Variants in CLASRP observed in about 807,000 individuals in gnomAD.
CLASRP encodes CLK4-associating serine/arginine rich protein.
A neutral mutation model predicts 99.9 loss-of-function variants in CLASRP; 52 were observed. That is an observed-to-expected ratio of 0.52 (90% CI 0.42 to 0.66). The LOEUF (loss-of-function observed/expected upper bound fraction) is 0.66, where lower values mean the gene tolerates loss of function less well. Among genes scored for constraint, CLASRP ranks in the 30% least tolerant of loss-of-function variants. The pLI, the probability that CLASRP is intolerant of heterozygous loss-of-function variation, is 0.00. For missense variants in CLASRP, 848 were observed against 999.2 expected (o/e 0.85, Z 2.04); for synonymous variants, 379 against 373.0 (o/e 1.02, Z -0.18).
intron 20 of CLASRP, 80 bp from the exon 21 acceptor site, chr19:45,070,723 G>C (rs574964804): frequency 1.5e-6 from 2 of 1,353,142 alleles, no homozygotes; most frequent in African/African-American, 1.4e-5. Flanking sequence ...CAAGTGCCCC[G>C]ATCACTGAAG....
chr19:45,059,215 T>G (rs1005367931), intron 7 of CLASRP, 53 bp from the exon 8 acceptor site: 56 of 1,484,194 alleles, frequency 3.8e-5, no homozygotes, highest in Admixed American at 2.7e-4. Flanking sequence ...CTGCCCCTTC[T>G]CCCCTGTCCT....
chr19:45,058,135 C>T (rs1055333134), intron 7 of CLASRP: 6 of 555,486 alleles, frequency 1.1e-5, no homozygotes, highest in Non-Finnish European at 1.9e-5. Flanking sequence ...CTTTTCCCCT[C>T]CTAGGTGTTG....
intron 7 of CLASRP, among the ~76,000 whole-genome samples, chr19:45,058,502 C>T (rs1972164478): frequency 6.6e-6 from 1 of 152,140 alleles, no homozygotes; most frequent in Non-Finnish European, 1.5e-5. Context: ...TCTCCTGCCT[C>T]AGCTTCCCAA....
In CLASRP at chr19:45,067,885, GT is replaced by G. The variant is rs934260467; in HGVS notation, c.1668-128del. Reference sequence around the variant, plus strand: ...TTCTGTGGGGTCTGAGAGGGACATGGTTGCACCCTGGGGCATCTGAGGCCCA... The same window carrying G: ...TTCTGTGGGGTCTGAGAGGGACATGGTGCACCCTGGGGCATCTGAGGCCCA... On this transcript the variant is annotated intron_variant, in intron 14 of 20. Transcript: ENST00000221455. This position sits in a 1 kb window ranked among gnomAD's most constrained non-coding sequence, Gnocchi z 4.9. 4 of 750,460 alleles carry G rather than the reference GT, an allele frequency of 5.3e-6. No homozygotes were observed. The allele number at this position is 750,460 out of a possible 1,614,324, so 46.5% of individuals were successfully genotyped here. A position where few individuals can be genotyped will look rare whatever the true frequency, so the allele number is the denominator to read the frequency against.
chr19:45,064,664 TG>T (rs761625564), intron 13 of CLASRP, 34 bp downstream of exon 13: 27 of 1,468,674 alleles, frequency 1.8e-5, no homozygotes, highest in South Asian at 3.8e-5. Flanking sequence ...TGGGAGGGGC[TG>T]GGGGGGCGCG....
At position 45,069,321 on chromosome 19, in the gene CLASRP, G is replaced by A; in HGVS notation, c.1874+73G>A. Reference sequence around the variant, plus strand: ...CTGGCCTTCCCACCATGGGCTGCTGGCTCAAGCCCTGCCCAGCTCCCTGTG... The same window carrying A: ...CTGGCCTTCCCACCATGGGCTGCTGACTCAAGCCCTGCCCAGCTCCCTGTG... On this transcript the variant is annotated intron_variant, in intron 18 of 20. Transcript: ENST00000221455. The A allele has an allele frequency of 3.4e-6, 5 of 1,481,286 alleles. No individual in the cohort carries two copies. In the Admixed American group the frequency reaches 6.8e-5, roughly 20 times the overall value. 91.8% of individuals were successfully genotyped at this position (1,481,286 alleles called of 1,614,324 possible).
chr19:45,064,777 G>A (rs1034511667), intron 13 of CLASRP, 147 bp downstream of exon 13: 17 of 1,400,068 alleles, frequency 1.2e-5, no homozygotes, highest in African/African-American at 5.8e-5. Flanking sequence ...CTGCTCTTCC[G>A]CAGGAAGCCC....
chr19:45,069,157 G>T, intron 17 of CLASRP, 33 bp downstream of exon 17: 7 of 1,614,064 alleles, frequency 4.3e-6, no homozygotes, highest in Non-Finnish European at 5.9e-6. Context: ...GGGGTGACGG[G>T]TGGGTGCTGG....
chr19:45,039,462 G>GC (rs1360482973), intron 1 of CLASRP: 1 of 151,538 alleles, frequency 6.6e-6, no homozygotes, highest in Non-Finnish European at 1.5e-5. Context: ...CGCAAGCCCT[G>GC]CCCCCAAGCT....
rs1275706716 is a variant in CLASRP, at chr19:45,067,174, A to T, written c.1410-163A>T. ...TCTCTGTAGCCGGAGGGAGGCCGGA[A>T]TGCCGCTCTGGGACATTTTGGAGGG... On this transcript the variant is annotated intron_variant, in intron 13 of 20. Transcript: ENST00000221455. The surrounding 1 kb of genome is among the most constrained non-coding windows in gnomAD (Gnocchi z 4.9). 1.3e-5 allele frequency among the ~76,000 whole-genome samples: 2 copies of T among 152,218 alleles called. No individual in the cohort carries two copies. Among genetic ancestry groups the T allele is most frequent in the Non-Finnish European group, 2.9e-5 (2 of 68,032 alleles).
intron 2 of CLASRP, 110 bp downstream of exon 2, chr19:45,040,421 C>T: frequency 7.2e-6 from 5 of 694,830 alleles, no homozygotes; most frequent in South Asian, 6.5e-5. Context: ...AGGCTCATTT[C>T]CTCAGGAGTA....
intron 1 of CLASRP, chr19:45,039,724 C>T (rs1971777107): frequency 6.3e-6 from 1 of 159,606 alleles, no homozygotes; most frequent in African/African-American, 2.4e-5. Context: ...CCGATTTCCT[C>T]CACCTGCCTT....
At chr19:45,057,074 G>A (rs1220259690) in intron 6 of CLASRP, among the ~76,000 whole-genome samples, 4 of 152,164 alleles carry the variant, frequency 2.6e-5, no homozygotes, top group Admixed American at 1.3e-4. Flanking sequence ...AGCAGTGGCC[G>A]AGCAGTCTCA....
At chr19:45,057,609 T>G (rs1600104942) in intron 6 of CLASRP, 141 bp from the exon 7 acceptor site, 1 of 878,480 alleles carries the variant, frequency 1.1e-6, no homozygotes, top group East Asian at 2.5e-5. Context: ...AGGAGCTGGG[T>G]GTGGGCAGGA....
At chr19:45,062,333 A>G in intron 11 of CLASRP, 138 bp downstream of exon 11, 1 of 618,808 alleles carries the variant, frequency 1.6e-6, no homozygotes, top group Non-Finnish European at 2.9e-6. Flanking sequence ...CTGGGTCTGA[A>G]TCATTTTTGT....
At position 45,056,551 on chromosome 19, in the gene CLASRP, G is replaced by C; in HGVS notation, c.464+17G>C. ...GAAGAAGAAGTGAGTCGGGGTCTGG[G>C]GTGCAGGGGGTTGAGGAGGCAGGAG... On this transcript the variant is annotated intron_variant, in intron 6 of 20. Transcript: ENST00000221455. The C allele has an allele frequency of 1.2e-6, 2 of 1,609,854 alleles. No homozygotes were observed.
rs945770340 is a variant in CLASRP at position 45,068,152 on chromosome 19, G to C, written c.1707+98G>C. The C allele has an allele frequency of 2.4e-5, 26 of 1,062,540 alleles. No homozygotes were observed. The African/African-American group carries it at 3.0e-4, about 12-fold the overall frequency. The allele number at this position is 1,062,540 out of a possible 1,614,324, so 65.8% of individuals were successfully genotyped here. ...CTGCAGGGGGGCCCGGGTGGGCTGG[G>C]AGATCCAGCCCCAGGGACAGGGAGG... On this transcript the variant is annotated intron_variant, in intron 15 of 20. Transcript: ENST00000221455.
chr19:45,056,304 T>C (rs563741906), intron 5 of CLASRP, 146 bp from the exon 6 acceptor site: 58 of 676,404 alleles, frequency 8.6e-5, no homozygotes, highest in African/African-American at 6.9e-4. Flanking sequence ...CCACCAGACA[T>C]AGTTTGATTA....
At chr19:45,056,624 G>C (rs910878935) in intron 6 of CLASRP, 90 bp downstream of exon 6, 12 of 1,018,210 alleles carry the variant, frequency 1.2e-5, no homozygotes, top group Admixed American at 1.1e-4. Context: ...TGTCCACCAG[G>C]GTCTCCCCGA....
Sources: allele counts gnomAD v4.1 joint callset (sites outside exome capture counted in the v4.1 genomes callset), GRCh38; gene constraint gnomAD v4.1.1; non-coding constraint Gnocchi (gnomAD v3.1); transcripts MANE v1.5; gene names NCBI Gene and HGNC (gene_info 2026-07-23, HGNC 2026-07-21).